Variants in CNTNAP5 observed in about 807,000 individuals in gnomAD.
The protein encoded by CNTNAP5 is contactin-associated protein-like 5.
In CNTNAP5, 72 loss-of-function variants were observed where a neutral mutation model predicts 150.2. The ratio of observed to expected loss-of-function variants is 0.48; its 90% CI spans 0.40 to 0.58. CNTNAP5 has a LOEUF of 0.58. Ranked by LOEUF, CNTNAP5 falls within the 20% of genes least tolerant of loss-of-function variation. CNTNAP5 has a pLI of 0.00. For synonymous variants in CNTNAP5, 672 were observed against 619.8 expected, an observed-to-expected ratio of 1.08 and a Z score of -1.25; for missense variants, 1,636 against 1,626.2, an observed-to-expected ratio of 1.01 and a Z score of -0.10.
intron 4 of CNTNAP5, among the ~76,000 whole-genome samples, chr2:124,420,516 A>G (rs1346154237): frequency 6.6e-6 from 1 of 152,228 alleles, no homozygotes; most frequent in Non-Finnish European, 1.5e-5. Flanking sequence ...GGGCAGTTTA[A>G]CATGTCAACT....
chr2:124,462,175 C>G (rs771441570), intron 6 of CNTNAP5, among the ~76,000 whole-genome samples: 6 of 151,988 alleles, frequency 3.9e-5, no homozygotes, highest in Non-Finnish European at 8.8e-5. Context: ...GAGCCCAGGT[C>G]TGTGTGACCA....
intron 1 of CNTNAP5, among the ~76,000 whole-genome samples, chr2:124,181,459 T>TG (rs34343600): frequency 0.23 from 34,405 of 152,076 alleles, 4,152 homozygotes; most frequent in African/African-American, 0.3. Flanking sequence ...GTTTTCCTTT[T>TG]TTTTTTACAT....
intron 16 of CNTNAP5, among the ~76,000 whole-genome samples, chr2:124,772,315 G>A (rs1267728986): frequency 6.6e-6 from 1 of 152,194 alleles, no homozygotes; most frequent in Non-Finnish European, 1.5e-5. Context: ...CCTTGGACAA[G>A]GCGATACAAC....
chr2:124,771,778 A>G lies in CNTNAP5; in HGVS notation c.2534-1021A>G, dbSNP rs1240684290. On this transcript the variant is annotated intron_variant, in intron 16 of 23. Transcript: ENST00000682447. ...ATTAACCACCACCAGCACTGCCACC[A>G]TCACCATCACTGTCACCATTACCAT... Among the ~76,000 whole-genome samples the G allele has an allele frequency of 2.0e-5, 3 of 150,646 alleles. No homozygotes were observed. In the East Asian group the frequency reaches 5.9e-4, roughly 30 times the overall value.
intron 19 of CNTNAP5, among the ~76,000 whole-genome samples, chr2:124,817,731 T>C (rs1682395829): frequency 6.6e-6 from 1 of 152,176 alleles, no homozygotes; most frequent in African/African-American, 2.4e-5. Flanking sequence ...AATGCACTTT[T>C]GTTTTCTTGA....
intron 3 of CNTNAP5, among the ~76,000 whole-genome samples, chr2:124,276,563 A>G (rs1034871501): frequency 1.3e-5 from 2 of 152,128 alleles, no homozygotes; most frequent in African/African-American, 2.4e-5. Flanking sequence ...AGGAGTGGAC[A>G]TATTTGGGCC....
intron 13 of CNTNAP5, among the ~76,000 whole-genome samples, chr2:124,679,970 C>G (rs1449606465): frequency 6.6e-6 from 1 of 151,762 alleles, no homozygotes; most frequent in East Asian, 1.9e-4. Flanking sequence ...AGACCCCCGC[C>G]CCCACAACTC....
In CNTNAP5 at chr2:124,621,813, T is replaced by C. The variant is rs58237734; in HGVS notation, c.1876+11893T>C. The stretch of plus-strand genomic sequence containing the variant: ...AAACATTTATTTCTCCCCAGCCTTC[T>C]TAGGATGTTGTTAATTTTGCCAGCT... On this transcript the variant is annotated intron_variant, in intron 12 of 23. Coordinates refer to ENST00000682447, the MANE Select transcript of CNTNAP5 (RefSeq NM_001367498.1). Among the ~76,000 whole-genome samples, 667 of 152,280 alleles carry C rather than the reference T, an allele frequency of 4.4e-3. 6 individuals carry two copies. The highest frequency in any genetic ancestry group is 0.016 in the African/African-American group (648 of 41,564).
intron 6 of CNTNAP5, among the ~76,000 whole-genome samples, chr2:124,447,429 T>C (rs566827228): frequency 6.6e-6 from 1 of 152,256 alleles, no homozygotes; most frequent in South Asian, 2.1e-4. Flanking sequence ...GTAGAAGAGG[T>C]ACAGTGAAAT....
chr2:124,895,915 G>A (rs944296563), intron 21 of CNTNAP5, among the ~76,000 whole-genome samples: 14 of 151,560 alleles, frequency 9.2e-5, no homozygotes. Context: ...GTCATACAAT[G>A]CTTGGGGGAA....
intron 1 of CNTNAP5, among the ~76,000 whole-genome samples, chr2:124,036,752 C>T (rs549145796): frequency 6.6e-6 from 1 of 152,206 alleles, no homozygotes; most frequent in South Asian, 2.1e-4. Context: ...CTATTTGTTA[C>T]CAACAGTCCT....
At chr2:124,088,578 C>CT (rs138528486) in intron 1 of CNTNAP5, among the ~76,000 whole-genome samples, 15,456 of 146,088 alleles carry the variant, frequency 0.11, 882 homozygotes, top group East Asian at 0.31. Context: ...TTTTAACTGG[C>CT]TTTTTTTTTT....
At chr2:124,283,549 G>T (rs1688069864) in intron 3 of CNTNAP5, among the ~76,000 whole-genome samples, 1 of 152,134 alleles carries the variant, frequency 6.6e-6, no homozygotes, top group Non-Finnish European at 1.5e-5. Flanking sequence ...AAGCACATAG[G>T]AATAAATTCA....
chr2:124,306,049 C>G (rs937889679), intron 3 of CNTNAP5, among the ~76,000 whole-genome samples: 3 of 152,066 alleles, frequency 2.0e-5, no homozygotes, highest in African/African-American at 7.2e-5. Flanking sequence ...TGTATAATTC[C>G]GTCTCCTTAG....
intron 3 of CNTNAP5, among the ~76,000 whole-genome samples, chr2:124,330,337 A>G (rs990440130): frequency 6.6e-6 from 1 of 152,198 alleles, no homozygotes; most frequent in Admixed American, 6.5e-5. Context: ...TATGCAAATA[A>G]CTATATTGCC....
intron 19 of CNTNAP5, among the ~76,000 whole-genome samples, chr2:124,847,176 C>T (rs1370402544): frequency 1.3e-5 from 2 of 152,178 alleles, no homozygotes; most frequent in East Asian, 3.9e-4. Flanking sequence ...GGCCATAGAG[C>T]TCCCAAAAGC....
At position 124,416,303 on chromosome 2, in the gene CNTNAP5, G is replaced by A. The variant is rs554839238; in HGVS notation, c.382-1140G>A. On this transcript the variant is annotated intron_variant, in intron 3 of 23. Coordinates refer to ENST00000682447, the MANE Select transcript of CNTNAP5 (RefSeq NM_001367498.1). ...GGGGTATCATTTTCTGAGTTCCAGC[G>A]TTGGATATAGAATGCTGGGTTGATA... is the stretch of plus-strand genomic sequence containing the variant. Among the ~76,000 whole-genome samples, 15 of 151,660 alleles carry A rather than the reference G, an allele frequency of 9.9e-5. No homozygotes were observed. In the South Asian group the frequency reaches 1.7e-3, roughly 17 times the overall value.
intron 12 of CNTNAP5, among the ~76,000 whole-genome samples, chr2:124,645,759 G>A (rs1198076235): frequency 6.6e-6 from 1 of 152,166 alleles, no homozygotes; most frequent in African/African-American, 2.4e-5. Context: ...AAGAAAAGGA[G>A]TTTGATTAAT....
intron 1 of CNTNAP5, among the ~76,000 whole-genome samples, chr2:124,188,801 G>C (rs966520878): frequency 4.8e-4 from 73 of 150,666 alleles, no homozygotes; most frequent in African/African-American, 1.8e-3. Context: ...GAAAGAATTA[G>C]AGACGGAGGG....
Sources: gnomAD v4.1 joint callset for allele counts (sites outside exome capture counted in the v4.1 genomes callset) on GRCh38, gnomAD v4.1.1 for gene constraint, MANE v1.5 for transcripts, NCBI Gene and HGNC (gene_info 2026-07-23, HGNC 2026-07-21) for gene names.